Variants in PIGK observed in about 807,000 individuals in gnomAD.
PIGK encodes phosphatidylinositol glycan anchor biosynthesis class K, also known as GPI-anchor transamidase.
PIGK carries 42 observed loss-of-function variants against 50.6 expected under a neutral mutation model. That is an observed-to-expected ratio of 0.83 (90% CI 0.65 to 1.07). The LOEUF (loss-of-function observed/expected upper bound fraction) is 1.07, where lower values mean the gene tolerates loss of function less well. Ranked by LOEUF, PIGK falls within the 50% of genes least tolerant of loss-of-function variation. The pLI, the probability that PIGK is intolerant of heterozygous loss-of-function variation, is 0.00. For missense variants in PIGK, 448 were observed against 488.7 expected (o/e 0.92, Z 0.78); for synonymous variants, 151 against 156.0 (o/e 0.97, Z 0.24).
chr1:77,166,072 G>C (rs1460667260), intron 5 of PIGK, among the ~76,000 whole-genome samples: 1 of 151,984 alleles, frequency 6.6e-6, no homozygotes, highest in East Asian at 1.9e-4. Flanking sequence ...GCTTGGAAGA[G>C]AATTAGAAAA....
intron 3 of PIGK, among the ~76,000 whole-genome samples, chr1:77,182,129 C>T (rs1485600681): frequency 6.6e-6 from 1 of 152,124 alleles, no homozygotes; most frequent in African/African-American, 2.4e-5. Context: ...ATCACAGAGA[C>T]AAATTACATG....
rs183319308 is a variant in PIGK at position 77,089,373 on chromosome 1, T to A, written c.*3001A>T. On this transcript the variant is annotated 3_prime_UTR_variant, in exon 11 of 11. Transcript: ENST00000370812. ...TGTTTTATAGCCATATCTTGTGGTA[T>A]GTTTATAACGTATTTCTTTCACATG... The A allele has an allele frequency of 2.0e-5, 3 of 152,366 alleles. No individual in the cohort carries two copies. Among genetic ancestry groups the A allele is most frequent in the Admixed American group, 2.0e-4 (3 of 15,310 alleles). 9.4% of individuals were successfully genotyped at this position (152,366 alleles called of 1,614,324 possible).
chr1:77,141,218 C>G (rs995952450), intron 9 of PIGK, among the ~76,000 whole-genome samples: 1 of 152,110 alleles, frequency 6.6e-6, no homozygotes, highest in Admixed American at 6.5e-5. Context: ...TTACTACTTG[C>G]AGTGTAGTAC....
At chr1:77,186,919 G>A (rs1287114827) in intron 3 of PIGK, among the ~76,000 whole-genome samples, 2 of 152,146 alleles carry the variant, frequency 1.3e-5, no homozygotes, top group South Asian at 2.1e-4. Context: ...CTTCCATCAC[G>A]AAAAGGGCAG....
intron 10 of PIGK, among the ~76,000 whole-genome samples, chr1:77,109,028 C>G (rs1458305372): frequency 2.0e-5 from 3 of 152,010 alleles, no homozygotes; most frequent in East Asian, 3.9e-4. Flanking sequence ...ATAAATTCCT[C>G]AACACATACA....
At chr1:77,122,388 C>T in intron 9 of PIGK, 29 bp from the exon 10 acceptor site, 1 of 1,219,100 alleles carries the variant, frequency 8.2e-7, no homozygotes, top group Non-Finnish European at 1.2e-6. Flanking sequence ...AAACACAGAG[C>T]TAAGGCAAAT....
chr1:77,171,436 C>CAAAAAAAAA (rs58788160), intron 3 of PIGK, among the ~76,000 whole-genome samples: 1,432 of 46,824 alleles, frequency 0.031, 215 homozygotes, highest in Non-Finnish European at 0.044. Context: ...GACTCCACCT[C>CAAAAAAAAA]AAAAAAAAAA....
chr1:77,138,507 C>G (rs1207745111), intron 9 of PIGK, among the ~76,000 whole-genome samples: 1 of 152,162 alleles, frequency 6.6e-6, no homozygotes, highest in Non-Finnish European at 1.5e-5. Flanking sequence ...GGACGCCAAG[C>G]CTCAGATGAG....
Position 77,210,416 on chromosome 1 carries a change from T to C in PIGK, c.147+20A>G, listed in dbSNP as rs1656390310. 2.6e-6 allele frequency: 4 copies of C among 1,512,408 alleles called. No homozygotes were observed. Among genetic ancestry groups the C allele is most frequent in the Non-Finnish European group, 3.6e-6 (4 of 1,107,226 alleles). 93.7% of individuals were successfully genotyped at this position (1,512,408 alleles called of 1,614,324 possible). A position where few individuals can be genotyped will look rare whatever the true frequency, so the allele number is the denominator to read the frequency against. ...CATATCTAATGTGAACAGCAAGGTA[T>C]ACTTTTACAGTATACTTACCAGAAC... is the stretch of plus-strand genomic sequence containing the variant. On this transcript the variant is annotated intron_variant, in intron 2 of 10. Coordinates refer to ENST00000370812, the MANE Select transcript of PIGK (RefSeq NM_005482.3).
chr1:77,158,846 G>GGA (rs1242290805), intron 8 of PIGK, among the ~76,000 whole-genome samples: 1 of 152,112 alleles, frequency 6.6e-6, no homozygotes, highest in Non-Finnish European at 1.5e-5. Flanking sequence ...TATTTAAAAG[G>GGA]GAAGCAGAGC....
chr1:77,128,621 G>A (rs1327528899), intron 9 of PIGK, among the ~76,000 whole-genome samples: 1 of 152,178 alleles, frequency 6.6e-6, no homozygotes, highest in Non-Finnish European at 1.5e-5. Context: ...TAAAATAGTA[G>A]TGTAGAGTTC....
rs1478244205 is a variant in PIGK, at chr1:77,219,302, A to C, written c.93+8T>G. On this transcript the variant is annotated splice_region_variant and intron_variant, in intron 1 of 10. Transcript: ENST00000370812. ...TCCCGGCTGTGGTCAAATGAGCCTG[A>C]CTCCTACCTCGATATGACTAGCGGC... The C allele has an allele frequency of 6.2e-7, 1 of 1,611,670 alleles. No individual in the cohort carries two copies. Among genetic ancestry groups the C allele is most frequent in the South Asian group, 1.1e-5 (1 of 90,954 alleles).
At chr1:77,104,565 G>A (rs954795531) in intron 10 of PIGK, among the ~76,000 whole-genome samples, 1 of 152,090 alleles carries the variant, frequency 6.6e-6, no homozygotes, top group Non-Finnish European at 1.5e-5. Context: ...AATAAACAGA[G>A]CCTAAATAAG....
At chr1:77,107,616 A>C (rs1414955691) in intron 10 of PIGK, among the ~76,000 whole-genome samples, 1 of 152,144 alleles carries the variant, frequency 6.6e-6, no homozygotes, top group Admixed American at 6.5e-5. Context: ...TGCTTGGTGC[A>C]GAGCTGAGTT....
At chr1:77,094,410 C>T (rs1339030583) in intron 10 of PIGK, among the ~76,000 whole-genome samples, 1 of 152,128 alleles carries the variant, frequency 6.6e-6, no homozygotes, top group Non-Finnish European at 1.5e-5. Flanking sequence ...GGAGAACAGG[C>T]TATAGACAAT....
intron 9 of PIGK, among the ~76,000 whole-genome samples, chr1:77,133,903 C>T (rs1008694965): frequency 6.6e-6 from 1 of 152,140 alleles, no homozygotes. Context: ...ATTTGGCATG[C>T]CAGCCTCACT....
intron 3 of PIGK, among the ~76,000 whole-genome samples, chr1:77,205,022 C>T (rs1179909460): frequency 6.6e-6 from 1 of 152,140 alleles, no homozygotes; most frequent in Non-Finnish European, 1.5e-5. Flanking sequence ...TTTTAAATAA[C>T]ATTCTTCAGA....
intron 8 of PIGK, among the ~76,000 whole-genome samples, chr1:77,160,198 G>A (rs1447828101): frequency 6.6e-6 from 1 of 152,158 alleles, no homozygotes; most frequent in African/African-American, 2.4e-5. Flanking sequence ...CATGTAAGAT[G>A]TGCCTTTGCT....
At chr1:77,128,701 G>A (rs889467798) in intron 9 of PIGK, among the ~76,000 whole-genome samples, 1 of 152,086 alleles carries the variant, frequency 6.6e-6, no homozygotes, top group African/African-American at 2.4e-5. Context: ...AAATCTATCA[G>A]GAGTTAATGT....
Sources: allele counts gnomAD v4.1 joint callset (sites outside exome capture counted in the v4.1 genomes callset), GRCh38; gene constraint gnomAD v4.1.1; transcripts MANE v1.5; gene names NCBI Gene and HGNC (gene_info 2026-07-23, HGNC 2026-07-21).